Variants in LRP1B observed in about 807,000 individuals in gnomAD.
LRP1B encodes the protein low-density lipoprotein receptor-related protein 1B.
Under a neutral mutation model 556.6 loss-of-function variants are expected in LRP1B, and 217 were observed. That is an observed-to-expected ratio of 0.39 (90% confidence interval 0.35 to 0.44). The LOEUF is 0.44. Ranked by LOEUF, LRP1B falls within the 20% of genes least tolerant of loss-of-function variation. The probability of loss-of-function intolerance (pLI) is 1.00; values close to 1 mark genes in which losing one functional copy is unlikely to be tolerated. For synonymous variants in LRP1B, 2,047 were observed against 1,865.8 expected (o/e 1.10, Z -2.50); for missense variants, 5,053 against 5,620.8 (o/e 0.90, Z 3.23).
intron 44 of LRP1B, 146 bp from the exon 45 acceptor site, chr2:140,541,244 G>T: frequency 1.5e-6 from 1 of 663,404 alleles, no homozygotes; most frequent in Non-Finnish European, 2.5e-6. Flanking sequence ...GAAAATCTAA[G>T]CATTCCTAAG....
rs191470762 is a variant in LRP1B at position 140,579,171 on chromosome 2, G to C, written c.7194+19460C>G. On this transcript the variant is annotated intron_variant, in intron 43 of 90. Coordinates refer to ENST00000389484, the MANE Select transcript of LRP1B (RefSeq NM_018557.3). ...ACTTCGGGAGAACAAAATTTCCTTG[G>C]ATTTCTCAGTGCTCCTGCCAAAGCC... Among the ~76,000 whole-genome samples, 339 of 152,196 alleles carry C rather than the reference G, an allele frequency of 2.2e-3. 6 individuals are homozygous for C. Among genetic ancestry groups the C allele is most frequent in the Admixed American group, 0.016 (244 of 15,276 alleles).
At chr2:140,527,892 T>C (rs1419510015) in intron 47 of LRP1B, among the ~76,000 whole-genome samples, 1 of 152,052 alleles carries the variant, frequency 6.6e-6, no homozygotes, top group Non-Finnish European at 1.5e-5. Flanking sequence ...AATCTCTTTT[T>C]AGAAGACAAA....
intron 19 of LRP1B, 57 bp downstream of exon 19, chr2:140,951,803 C>A (rs2105302517): frequency 7.2e-7 from 1 of 1,387,096 alleles, no homozygotes; most frequent in Non-Finnish European, 1.0e-6. Flanking sequence ...GCCAGGCAGT[C>A]CAGACCGCCA....
At position 141,664,845 on chromosome 2, in the gene LRP1B, C is replaced by T. The variant is rs150883968; in HGVS notation, c.205+145434G>A. Among the ~76,000 whole-genome samples the T allele has an allele frequency of 1.1e-4, 16 of 151,846 alleles. No homozygotes were observed. In the East Asian group the frequency reaches 3.1e-3, roughly 29 times the overall value. On this transcript the variant is annotated intron_variant, in intron 2 of 90. Coordinates refer to ENST00000389484, the MANE Select transcript of LRP1B (RefSeq NM_018557.3). ...CCATTGACATCCTCACAGAATTGGA[C>T]AAAAAAAGTACTTTAAAATTGATAT...
At chr2:140,705,102 A>G (rs1387626158) in intron 37 of LRP1B, among the ~76,000 whole-genome samples, 1 of 152,168 alleles carries the variant, frequency 6.6e-6, no homozygotes, top group African/African-American at 2.4e-5. Flanking sequence ...ATCCAGGCCT[A>G]TATTGTCTTC....
chr2:140,490,854 A>C (rs1177502044), intron 57 of LRP1B, among the ~76,000 whole-genome samples: 3 of 152,084 alleles, frequency 2.0e-5, no homozygotes, highest in Admixed American at 2.0e-4. Context: ...GTGTGTTCAG[A>C]TCCTTCATGA....
At chr2:141,157,332 C>T (rs116391128) in intron 7 of LRP1B, among the ~76,000 whole-genome samples, 4,110 of 151,878 alleles carry the variant, frequency 0.027, 86 homozygotes, top group South Asian at 0.055. Flanking sequence ...ATAAAATATA[C>T]GTATTTTCCA....
At chr2:140,276,673 C>T (rs574737662) in intron 84 of LRP1B, among the ~76,000 whole-genome samples, 2 of 151,988 alleles carry the variant, frequency 1.3e-5, no homozygotes, top group Non-Finnish European at 2.9e-5. Context: ...TTGTCCCCAA[C>T]TGCTTTAAAA....
At chr2:140,667,046 T>C (rs376782096) in intron 41 of LRP1B, among the ~76,000 whole-genome samples, 1 of 152,192 alleles carries the variant, frequency 6.6e-6, no homozygotes, top group Non-Finnish European at 1.5e-5. Flanking sequence ...GAAGTAACTA[T>C]TGTGTTTAAA....
At chr2:140,561,889 C>T (rs1191998125) in intron 43 of LRP1B, among the ~76,000 whole-genome samples, 2 of 151,626 alleles carry the variant, frequency 1.3e-5, no homozygotes, top group Admixed American at 6.6e-5. Context: ...AAAAATAATA[C>T]ATGATTATTA....
chr2:140,734,599 C>G (rs1687883728), intron 35 of LRP1B, among the ~76,000 whole-genome samples: 1 of 152,144 alleles, frequency 6.6e-6, no homozygotes, highest in Non-Finnish European at 1.5e-5. Flanking sequence ...AGTAAAAGCC[C>G]AATGTCCCAG....
rs75709386 is a variant in LRP1B at position 140,554,647 on chromosome 2, A to G, written c.7195-12676T>C. ...AATAGAGGATATTACAAGAGCTTTT[A>G]TTTTCTCAGTCTCTCTGGAAAGACT... is the stretch of plus-strand genomic sequence containing the variant. On this transcript the variant is annotated intron_variant, in intron 43 of 90. Coordinates refer to ENST00000389484, the MANE Select transcript of LRP1B (RefSeq NM_018557.3). 2.8e-4 allele frequency among the ~76,000 whole-genome samples: 42 copies of G among 152,148 alleles called. No homozygotes were observed. In the East Asian group the frequency reaches 7.9e-3, roughly 29 times the overall value.
intron 4 of LRP1B, among the ~76,000 whole-genome samples, chr2:141,248,755 G>A (rs1232571848): frequency 6.6e-6 from 1 of 152,158 alleles, no homozygotes; most frequent in Non-Finnish European, 1.5e-5. Context: ...GGTCAGCTTT[G>A]CATTTTAAAA....
rs114844115 is a variant in LRP1B, at chr2:141,890,703, G to T, written c.83-80302C>A. On this transcript the variant is annotated intron_variant, in intron 1 of 90. Coordinates refer to ENST00000389484, the MANE Select transcript of LRP1B (RefSeq NM_018557.3). The stretch of plus-strand genomic sequence containing the variant: ...TGCTAAATTTATTATGTAATAACCT[G>T]CAATGATAAATAGGAAAAACATCAT... 4.4e-3 allele frequency among the ~76,000 whole-genome samples: 661 copies of T among 151,948 alleles called. 5 individuals carry two copies. Among genetic ancestry groups the T allele is most frequent in the African/African-American group, 0.015 (628 of 41,466 alleles).
At chr2:140,530,933 T>G (rs1263822527) in intron 47 of LRP1B, among the ~76,000 whole-genome samples, 1 of 152,164 alleles carries the variant, frequency 6.6e-6, no homozygotes, top group African/African-American at 2.4e-5. Flanking sequence ...ATTTGAGTTA[T>G]TTTATTGTTA....
chr2:141,183,134 C>G (rs1681080864), intron 7 of LRP1B, among the ~76,000 whole-genome samples: 1 of 151,916 alleles, frequency 6.6e-6, no homozygotes, highest in Non-Finnish European at 1.5e-5. Flanking sequence ...TAGTCTGAGG[C>G]ATTTAATAGC....
intron 2 of LRP1B, among the ~76,000 whole-genome samples, chr2:141,645,589 A>T (rs937851905): frequency 1.6e-4 from 24 of 151,034 alleles, no homozygotes; most frequent in African/African-American, 5.4e-4. Flanking sequence ...AAAACAACTA[A>T]TCTTTCAGGA....
At chr2:141,843,733 G>A (rs1410209245) in intron 1 of LRP1B, among the ~76,000 whole-genome samples, 6 of 152,168 alleles carry the variant, frequency 3.9e-5, no homozygotes, top group South Asian at 4.2e-4. Flanking sequence ...TTAACAAGAC[G>A]GCAAAGCATA....
chr2:141,155,381 G>A, intron 7 of LRP1B, among the ~76,000 whole-genome samples: 1 of 151,708 alleles, frequency 6.6e-6, no homozygotes, highest in East Asian at 1.9e-4. Context: ...CATCAAAATA[G>A]CTTTATTGGT....
Sources: gnomAD v4.1 joint callset for allele counts (sites outside exome capture counted in the v4.1 genomes callset) on GRCh38, gnomAD v4.1.1 for gene constraint, MANE v1.5 for transcripts, NCBI Gene and HGNC (gene_info 2026-07-23, HGNC 2026-07-21) for gene names.